The following PLCB4 variants were observed in gnomAD, a reference collection of about 807,000 sequenced individuals.
PLCB4 encodes phospholipase C beta 4.
A neutral mutation model predicts 178.8 loss-of-function variants in PLCB4; 77 were observed. The observed-to-expected ratio is 0.43, with a 90% CI of 0.36 to 0.52. PLCB4 has a LOEUF of 0.52. Among genes scored for constraint, PLCB4 ranks in the 20% least tolerant of loss-of-function variants. PLCB4 has a pLI of 0.00. For synonymous variants in PLCB4, 496 were observed against 490.8 expected (o/e 1.01, Z -0.14); for missense variants, 1,024 against 1,453.4 (o/e 0.70, Z 4.80).
chr20:9,073,130 C>T (rs952034049), intron 1 of PLCB4, among the ~76,000 whole-genome samples: 1 of 152,136 alleles, frequency 6.6e-6, no homozygotes. Flanking sequence ...GATACATTGC[C>T]CTTCTTGTCC....
chr20:9,328,088 G>A (rs528958552), intron 4 of PLCB4, among the ~76,000 whole-genome samples: 28 of 152,246 alleles, frequency 1.8e-4, no homozygotes, highest in South Asian at 1.2e-3. Context: ...ATAAAATAAC[G>A]GAAGAGGGAT....
chr20:9,225,422 T>C lies in PLCB4; in HGVS notation c.-16+7970T>C, dbSNP rs8125208. Among the ~76,000 whole-genome samples, 1,132 of 152,310 alleles carry C rather than the reference T, an allele frequency of 7.4e-3. 17 individuals are homozygous for C. The highest frequency in any genetic ancestry group is 0.026 in the African/African-American group (1,088 of 41,566). ...TTAATTGTTCTACCTTCAGTTTACCTTCAAGGTTTAAGGGACCTGGAAAAG... is the reference window on the plus strand; with the variant it reads ...TTAATTGTTCTACCTTCAGTTTACCCTCAAGGTTTAAGGGACCTGGAAAAG... On this transcript the variant is annotated intron_variant, in intron 3 of 39. Transcript: ENST00000378473.
chr20:9,424,902 T>G (rs1243409610), intron 28 of PLCB4, among the ~76,000 whole-genome samples: 1 of 152,190 alleles, frequency 6.6e-6, no homozygotes, highest in Non-Finnish European at 1.5e-5. Flanking sequence ...TTTTTAGTAG[T>G]GCATGCTTCT....
chr20:9,227,940 G>A (rs1028779820), intron 3 of PLCB4, among the ~76,000 whole-genome samples: 8 of 152,096 alleles, frequency 5.3e-5, no homozygotes, highest in Admixed American at 2.0e-4. Flanking sequence ...TCATGTGATT[G>A]CATATGGGGT....
chr20:9,176,830 A>G (rs1600914347), intron 2 of PLCB4, among the ~76,000 whole-genome samples: 1 of 152,330 alleles, frequency 6.6e-6, no homozygotes, highest in East Asian at 1.9e-4. Flanking sequence ...TAGAAACTCT[A>G]ACATGAGGAA....
At chr20:9,329,426 T>A (rs1009072710) in intron 4 of PLCB4, among the ~76,000 whole-genome samples, 3 of 152,172 alleles carry the variant, frequency 2.0e-5, no homozygotes, top group Non-Finnish European at 4.4e-5. Context: ...TAAGTTAATG[T>A]AGAGAAAGTA....
chr20:9,217,359 C>T (rs1191968008), intron 2 of PLCB4, 31 bp from the exon 3 acceptor site: 1 of 152,192 alleles, frequency 6.6e-6, no homozygotes, highest in East Asian at 1.9e-4. Flanking sequence ...AAGTCCTTTA[C>T]ATCGATTTGT....
chr20:9,366,823 C>G (rs376985523), intron 9 of PLCB4, among the ~76,000 whole-genome samples: 6 of 152,344 alleles, frequency 3.9e-5, no homozygotes, highest in African/African-American at 1.2e-4. Context: ...GTTCTCCAGA[C>G]TCAGGTTCAT....
chr20:9,115,442 T>A (rs200527186), intron 2 of PLCB4, among the ~76,000 whole-genome samples: 1 of 151,804 alleles, frequency 6.6e-6, no homozygotes, highest in East Asian at 1.9e-4. Context: ...TCTTTTTTTT[T>A]AATACTTTAA....
chr20:9,179,368 T>C (rs2093207875), intron 2 of PLCB4, among the ~76,000 whole-genome samples: 1 of 152,074 alleles, frequency 6.6e-6, no homozygotes, highest in Non-Finnish European at 1.5e-5. Flanking sequence ...ATGAGATTCC[T>C]TGGCTCATGG....
chr20:9,381,837 C>T (rs912120719), intron 13 of PLCB4, among the ~76,000 whole-genome samples: 2 of 152,094 alleles, frequency 1.3e-5, no homozygotes, highest in African/African-American at 2.4e-5. Flanking sequence ...AGGTATGTAC[C>T]CTAGAGAATC....
intron 4 of PLCB4, among the ~76,000 whole-genome samples, chr20:9,322,970 C>T (rs2094977702): frequency 6.6e-6 from 1 of 152,224 alleles, no homozygotes. Flanking sequence ...ACCTACCTCG[C>T]ATTGCCATCA....
intron 2 of PLCB4, among the ~76,000 whole-genome samples, chr20:9,136,345 TG>T (rs2092382722): frequency 6.6e-6 from 1 of 152,058 alleles, no homozygotes; most frequent in Non-Finnish European, 1.5e-5. Flanking sequence ...CAGTACAGTG[TG>T]TGCCGATAAG....
chr20:9,341,716 G>A (rs2033221272), intron 7 of PLCB4, among the ~76,000 whole-genome samples: 1 of 151,008 alleles, frequency 6.6e-6, no homozygotes, highest in Non-Finnish European at 1.5e-5. Context: ...TCAAACCCAT[G>A]TTGTTCCATG....
intron 3 of PLCB4, among the ~76,000 whole-genome samples, chr20:9,245,231 T>C (rs1020503166): frequency 3.3e-5 from 5 of 152,150 alleles, no homozygotes; most frequent in Admixed American, 1.3e-4. Flanking sequence ...TGCATTCTGT[T>C]GGCCAAAGGA....
chr20:9,245,512 A>G (rs1461348174), intron 3 of PLCB4, among the ~76,000 whole-genome samples: 1 of 152,180 alleles, frequency 6.6e-6, no homozygotes, highest in Non-Finnish European at 1.5e-5. Context: ...AAAGAGAGGC[A>G]GAAGAAGTCT....
At chr20:9,331,532 C>T (rs900985818) in intron 4 of PLCB4, among the ~76,000 whole-genome samples, 1 of 152,122 alleles carries the variant, frequency 6.6e-6, no homozygotes, top group African/African-American at 2.4e-5. Flanking sequence ...TAGCTGTATC[C>T]CCATCCAAGG....
intron 3 of PLCB4, among the ~76,000 whole-genome samples, chr20:9,254,481 G>A (rs6056496): frequency 6.6e-6 from 1 of 152,124 alleles, no homozygotes; most frequent in Non-Finnish European, 1.5e-5. Flanking sequence ...GACCACTTGA[G>A]GCCCCTAGGA....
At chr20:9,475,548 A>G (rs1392428588) in intron 38 of PLCB4, among the ~76,000 whole-genome samples, 1 of 152,194 alleles carries the variant, frequency 6.6e-6, no homozygotes, top group Non-Finnish European at 1.5e-5. Flanking sequence ...AGAACATGAA[A>G]AGGCTTGAGA....
Sources: gnomAD v4.1 joint callset for allele counts (sites outside exome capture counted in the v4.1 genomes callset) on GRCh38, gnomAD v4.1.1 for gene constraint, MANE v1.5 for transcripts, NCBI Gene and HGNC (gene_info 2026-07-23, HGNC 2026-07-21) for gene names.